The following SLC16A10 variants were observed in gnomAD, a reference collection of about 807,000 sequenced individuals.
SLC16A10 encodes the protein solute carrier family 16 member 10.
Under a neutral mutation model 40.0 loss-of-function variants are expected in SLC16A10, and 27 were observed. The observed-to-expected ratio is 0.67, with a 90% confidence interval of 0.50 to 0.93. The LOEUF (loss-of-function observed/expected upper bound fraction) is 0.93, where lower values mean the gene tolerates loss of function less well. Ranked by LOEUF, SLC16A10 falls within the 40% of genes least tolerant of loss-of-function variation. The probability of loss-of-function intolerance (pLI) is 0.00; values close to 1 mark genes in which losing one functional copy is unlikely to be tolerated. For missense variants in SLC16A10, 529 were observed against 658.2 expected (o/e 0.80, Z 2.15); for synonymous variants, 213 against 249.8 (o/e 0.85, Z 1.39).
chr6:111,215,074 G>A (rs1362672334), intron 4 of SLC16A10, among the ~76,000 whole-genome samples: 3 of 151,880 alleles, frequency 2.0e-5, no homozygotes, highest in Admixed American at 6.6e-5. Flanking sequence ...AGTCGAGATC[G>A]CGCCACTGCA....
intron 3 of SLC16A10, among the ~76,000 whole-genome samples, chr6:111,182,979 C>T (rs73530974): frequency 0.012 from 1,815 of 152,276 alleles, 25 homozygotes; most frequent in African/African-American, 0.042. Context: ...CCTAACTGGT[C>T]TCTCTGTTCC....
At chr6:111,139,092 CT>C (rs755473638) in intron 1 of SLC16A10, among the ~76,000 whole-genome samples, 35 of 118,890 alleles carry the variant, frequency 2.9e-4, no homozygotes, top group East Asian at 1.4e-3. Context: ...TCTTCTTCTT[CT>C]TTTTTTTTTT....
intron 1 of SLC16A10, among the ~76,000 whole-genome samples, chr6:111,151,333 C>T (rs1772168586): frequency 6.6e-6 from 1 of 152,170 alleles, no homozygotes. Flanking sequence ...CATTCTTAAA[C>T]TCTGCATCTG....
At chr6:111,206,174 T>A (rs1055378268) in intron 3 of SLC16A10, among the ~76,000 whole-genome samples, 1 of 149,560 alleles carries the variant, frequency 6.7e-6, no homozygotes, top group Non-Finnish European at 1.5e-5. Context: ...CCTCCCGGGT[T>A]CAAGCTATTC....
intron 1 of SLC16A10, among the ~76,000 whole-genome samples, chr6:111,113,804 C>G (rs1262340326): frequency 6.6e-6 from 1 of 152,066 alleles, no homozygotes; most frequent in Non-Finnish European, 1.5e-5. Flanking sequence ...TCTCAGTCGC[C>G]CTTTCTTTGT....
At chr6:111,202,744 G>A (rs892248850) in intron 3 of SLC16A10, among the ~76,000 whole-genome samples, 6 of 151,676 alleles carry the variant, frequency 4.0e-5, no homozygotes, top group African/African-American at 9.7e-5. Context: ...AAAATAAGCC[G>A]GGCGTGGTGG....
intron 2 of SLC16A10, among the ~76,000 whole-genome samples, chr6:111,175,537 CAAAT>C (rs1562422342): frequency 6.6e-6 from 1 of 152,088 alleles, no homozygotes; most frequent in Admixed American, 6.6e-5. Flanking sequence ...TAAATAAAAA[CAAAT>C]AAGCACTTTA....
At chr6:111,168,141 A>G (rs1473028663) in intron 1 of SLC16A10, among the ~76,000 whole-genome samples, 1 of 151,792 alleles carries the variant, frequency 6.6e-6, no homozygotes, top group Admixed American at 6.6e-5. Flanking sequence ...CACCACACCC[A>G]GCTAATTTTT....
intron 4 of SLC16A10, among the ~76,000 whole-genome samples, chr6:111,217,730 A>G (rs1770792076): frequency 6.6e-6 from 1 of 152,164 alleles, no homozygotes. Context: ...GGTTACAGGC[A>G]TGAGCCACCG....
At chr6:111,219,430 G>A (rs1770844597) in intron 5 of SLC16A10, among the ~76,000 whole-genome samples, 1 of 152,060 alleles carries the variant, frequency 6.6e-6, no homozygotes, top group African/African-American at 2.4e-5. Context: ...ACAGGAGGCT[G>A]AGGTGGGGGG....
In SLC16A10 at chr6:111,226,803, C is replaced by G. The variant is rs1473471826; in HGVS notation, c.*4568C>G. ...ATGGTAATGTGGAATAAGAATACAT[C>G]GTAGAAGGAAGACTTGCTACTTTAC... On this transcript the variant is annotated 3_prime_UTR_variant, in exon 6 of 6. Transcript: ENST00000368851. 1.3e-5 allele frequency: 2 copies of G among 152,164 alleles called. No homozygotes were observed. The highest frequency in any genetic ancestry group is 2.9e-5 in the Non-Finnish European group (2 of 68,022). 9.4% of individuals were successfully genotyped at this position (152,164 alleles called of 1,614,324 possible).
chr6:111,129,667 A>G (rs1771746522), intron 1 of SLC16A10, among the ~76,000 whole-genome samples: 1 of 152,220 alleles, frequency 6.6e-6, no homozygotes, highest in Non-Finnish European at 1.5e-5. Flanking sequence ...ATATAACTTG[A>G]GACACTCTTA....
At chr6:111,107,340 C>T (rs534359319) in intron 1 of SLC16A10, among the ~76,000 whole-genome samples, 7 of 152,256 alleles carry the variant, frequency 4.6e-5, no homozygotes, top group African/African-American at 1.2e-4. Flanking sequence ...ATGAATTCTG[C>T]TAAAATTGAA....
chr6:111,101,348 G>A (rs1211055952), intron 1 of SLC16A10, among the ~76,000 whole-genome samples: 1 of 151,786 alleles, frequency 6.6e-6, no homozygotes, highest in African/African-American at 2.4e-5. Context: ...TTTTTGAATT[G>A]TAAAAAAGTA....
chr6:111,095,266 T>G (rs1350198516), intron 1 of SLC16A10, among the ~76,000 whole-genome samples: 1 of 152,214 alleles, frequency 6.6e-6, no homozygotes, highest in Non-Finnish European at 1.5e-5. Context: ...ACTCCTGTCT[T>G]CAGTGCGATG....
At chr6:111,221,518 G>A (rs1770893218) in intron 5 of SLC16A10, among the ~76,000 whole-genome samples, 1 of 152,102 alleles carries the variant, frequency 6.6e-6, no homozygotes, top group Non-Finnish European at 1.5e-5. Flanking sequence ...GGCTGAGGTG[G>A]GAGGATTGCT....
intron 5 of SLC16A10, among the ~76,000 whole-genome samples, chr6:111,219,727 T>G (rs1583370221): frequency 6.6e-6 from 1 of 152,222 alleles, no homozygotes; most frequent in South Asian, 2.1e-4. Context: ...GGTACAGAAC[T>G]GATGCTACCA....
At chr6:111,161,237 A>AAG (rs1772365200) in intron 1 of SLC16A10, among the ~76,000 whole-genome samples, 3 of 151,222 alleles carry the variant, frequency 2.0e-5, no homozygotes, top group Admixed American at 1.3e-4. Flanking sequence ...AAAAAAAAAA[A>AAG]AAAAAAAAAG....
At chr6:111,134,466 C>T (rs958689960) in intron 1 of SLC16A10, among the ~76,000 whole-genome samples, 3 of 151,824 alleles carry the variant, frequency 2.0e-5, no homozygotes, top group Admixed American at 6.6e-5. Flanking sequence ...GCCTTAGGCC[C>T]GGAGCAAAAG....
Sources: gnomAD v4.1 joint callset for allele counts (sites outside exome capture counted in the v4.1 genomes callset) on GRCh38, gnomAD v4.1.1 for gene constraint, MANE v1.5 for transcripts, NCBI Gene and HGNC (gene_info 2026-07-23, HGNC 2026-07-21) for gene names.